The following SLC25A44 variants were observed in gnomAD, a reference collection of about 807,000 sequenced individuals.
The protein encoded by SLC25A44 is solute carrier family 25 member 44, also known as solute carrier family 25, member 44.
Under a neutral mutation model 29.9 loss-of-function variants are expected in SLC25A44, and 17 were observed. That is an observed-to-expected ratio of 0.57 (90% confidence interval 0.39 to 0.85). The LOEUF is 0.85. SLC25A44 is among the 40% of genes least tolerant of loss of function. The pLI is 0.00. For missense variants in SLC25A44, 302 were observed against 398.4 expected (o/e 0.76, Z 2.06); for synonymous variants, 140 against 151.8 (o/e 0.92, Z 0.57).
rs1165933388 is a variant in SLC25A44 at position 156,197,756 on chromosome 1, G to GA, written c.-13-2069dup. The GA allele has an allele frequency of 2.1e-3, 307 of 146,208 alleles. 1 individual carries two copies. The highest frequency in any genetic ancestry group is 5.5e-3 in the African/African-American group (220 of 39,912). 9.1% of individuals were successfully genotyped at this position (146,208 alleles called of 1,614,324 possible). On this transcript the variant is annotated intron_variant, in intron 1 of 3. Transcript: ENST00000359511. ...TGGGCGACAGAGCGAGACTCCGTCT[G>GA]AAAAAAAAAACAAAAAAACTGCTTT...
chr1:156,204,783 C>T (rs887797792), intron 2 of SLC25A44, among the ~76,000 whole-genome samples: 1 of 151,872 alleles, frequency 6.6e-6, no homozygotes, highest in African/African-American at 2.4e-5. Context: ...CCAGATGCTA[C>T]AGTTTAATGA....
In SLC25A44 at chr1:156,210,488, G is replaced by A; in HGVS notation, c.*57G>A. On this transcript the variant is annotated 3_prime_UTR_variant, in exon 4 of 4. Coordinates refer to ENST00000359511, the MANE Select transcript of SLC25A44 (RefSeq NM_014655.4). ...CACACTACCGTGGGTCAGGGGCAGA[G>A]TGGAGAGGACAGCACCCTCTCCAGG... The A allele has an allele frequency of 7.3e-7, 1 of 1,371,972 alleles. No homozygotes were observed. The highest frequency in any genetic ancestry group is 9.9e-7 in the Non-Finnish European group (1 of 1,011,770). The allele number at this position is 1,371,972 out of a possible 1,614,324, so 85.0% of individuals were successfully genotyped here. A position where few individuals can be genotyped will look rare whatever the true frequency, so the allele number is the denominator to read the frequency against.
At chr1:156,208,592 G>C (rs1032091588) in intron 3 of SLC25A44, among the ~76,000 whole-genome samples, 1 of 152,178 alleles carries the variant, frequency 6.6e-6, no homozygotes, top group African/African-American at 2.4e-5. Context: ...AAATCTTACT[G>C]GTTTCTTCCA....
At chr1:156,197,250 C>T (rs1170484155) in intron 1 of SLC25A44, 1 of 152,202 alleles carries the variant, frequency 6.6e-6, no homozygotes, top group Non-Finnish European at 1.5e-5. Context: ...CTTAGTGGGT[C>T]CCCCAGGCTG....
chr1:156,210,571 T>C lies in SLC25A44; in HGVS notation c.*140T>C, dbSNP rs1657235228. On this transcript the variant is annotated 3_prime_UTR_variant, in exon 4 of 4. Transcript: ENST00000359511. ...CCAAGTGGCCTATCTGGGATAGGGA[T>C]AGAGACTTTGAACTGCTCTTGCTGA... is the stretch of plus-strand genomic sequence containing the variant. The C allele has an allele frequency of 7.7e-6, 4 of 522,748 alleles. No individual in the cohort carries two copies. Among genetic ancestry groups the C allele is most frequent in the Non-Finnish European group, 1.3e-5 (4 of 301,238 alleles). 32.4% of individuals were successfully genotyped at this position (522,748 alleles called of 1,614,324 possible). A position where few individuals can be genotyped will look rare whatever the true frequency, so the allele number is the denominator to read the frequency against.
At chr1:156,194,418 G>A (rs1352372245) in intron 1 of SLC25A44, among the ~76,000 whole-genome samples, 171 bp downstream of exon 1, 1 of 152,246 alleles carries the variant, frequency 6.6e-6, no homozygotes, top group Non-Finnish European at 1.5e-5. Flanking sequence ...GAGATTCGCT[G>A]ACAGCGAAGA....
At chr1:156,210,022 G>C (rs113890564) in intron 3 of SLC25A44, among the ~76,000 whole-genome samples, 1 of 152,114 alleles carries the variant, frequency 6.6e-6, no homozygotes, top group African/African-American at 2.4e-5. Context: ...AATTACCCAA[G>C]GTTATGTTGT....
chr1:156,194,846 T>C (rs1037254404), intron 1 of SLC25A44, among the ~76,000 whole-genome samples: 2 of 151,984 alleles, frequency 1.3e-5, no homozygotes, highest in Non-Finnish European at 2.9e-5. Flanking sequence ...TTGTCAGGAG[T>C]TGTAGAAGAT....
chr1:156,207,992 T>C lies in SLC25A44; in HGVS notation c.732T>C (p.Asp244=), dbSNP rs1343794482. The C allele has an allele frequency of 6.2e-7, 1 of 1,614,182 alleles. No individual in the cohort carries two copies. Among genetic ancestry groups the C allele is most frequent in the Admixed American group, 1.7e-5 (1 of 60,016 alleles). ...ATASILTNPM[D]VIRTRVQVEG... ...CCTCCATCCTCACCAATCCCATGGA[T>C]GTCATACGAACCCGTGTGCAGGTAA... Residue 244 remains aspartate (D), a synonymous_variant, in exon 3 of 4, where the codon GAT becomes GAC. Transcript: ENST00000359511.
At chr1:156,202,316 G>A (rs762911728) in intron 2 of SLC25A44, among the ~76,000 whole-genome samples, 3 of 152,116 alleles carry the variant, frequency 2.0e-5, no homozygotes, top group Non-Finnish European at 4.4e-5. Context: ...CATCTCTAAT[G>A]GACTGACCTT....
intron 1 of SLC25A44, among the ~76,000 whole-genome samples, chr1:156,195,276 T>G (rs1021560964): frequency 5.3e-5 from 8 of 152,134 alleles, no homozygotes; most frequent in Non-Finnish European, 1.2e-4. Context: ...GCTAATTTTT[T>G]GTATTTTTAG....
chr1:156,199,612 T>TA (rs1361085956), intron 1 of SLC25A44: 1 of 537,928 alleles, frequency 1.9e-6, no homozygotes, highest in Non-Finnish European at 3.3e-6. Context: ...GGAAACTGAG[T>TA]AAGGAAGGCC....
At position 156,211,584 on chromosome 1, in the gene SLC25A44, C is replaced by G. The variant is rs1657324617; in HGVS notation, c.*1153C>G. The G allele has an allele frequency of 1.3e-5, 2 of 152,458 alleles. No individual in the cohort carries two copies. The highest frequency in any genetic ancestry group is 2.9e-5 in the Non-Finnish European group (2 of 68,038). 9.4% of individuals were successfully genotyped at this position (152,458 alleles called of 1,614,324 possible). Reference sequence around the variant, plus strand: ...CCACATCACTGGATGCGTAGTCATCCCAGTCATGGTACCCTGTGGAGGAAT... The same window carrying G: ...CCACATCACTGGATGCGTAGTCATCGCAGTCATGGTACCCTGTGGAGGAAT... On this transcript the variant is annotated 3_prime_UTR_variant, in exon 4 of 4. Coordinates refer to ENST00000359511, the MANE Select transcript of SLC25A44 (RefSeq NM_014655.4).
At chr1:156,208,476 T>A (rs115425145) in intron 3 of SLC25A44, among the ~76,000 whole-genome samples, 1,782 of 151,660 alleles carry the variant, frequency 0.012, 42 homozygotes, top group African/African-American at 0.04. Flanking sequence ...CAAAAAAAAA[T>A]AAATAAATAA....
chr1:156,194,272 C>T (rs994605788), intron 1 of SLC25A44, 25 bp downstream of exon 1: 1 of 152,766 alleles, frequency 6.5e-6, no homozygotes, highest in Non-Finnish European at 1.5e-5. Flanking sequence ...GCTTGAGGTC[C>T]CTGACAACTA....
rs766153476 is a variant in SLC25A44 at position 156,207,987 on chromosome 1, A to G, written c.727A>G (p.Met243Val). Reference sequence around the variant, plus strand: ...CACTGCCTCCATCCTCACCAATCCCATGGATGTCATACGAACCCGTGTGCA... The same window carrying G: ...CACTGCCTCCATCCTCACCAATCCCGTGGATGTCATACGAACCCGTGTGCA... Reference protein sequence around the residue: ...AATASILTNPMDVIRTRVQVE... With the variant: ...AATASILTNPVDVIRTRVQVE... Residue 243 changes from methionine to valine, a missense_variant, in exon 3 of 4, where the codon ATG (methionine) becomes GTG (valine). By Grantham distance (21) the Met-to-Val change is conservative. Transcript: ENST00000359511. The G allele has an allele frequency of 1.2e-6, 2 of 1,614,060 alleles. No individual in the cohort carries two copies. The highest frequency in any genetic ancestry group is 2.2e-5 in the South Asian group (2 of 91,082).
At position 156,199,830 on chromosome 1, in the gene SLC25A44, C is replaced by A; in HGVS notation, c.-13-5C>A. The A allele has an allele frequency of 6.2e-7, 1 of 1,606,298 alleles. No individual in the cohort carries two copies. The highest frequency in any genetic ancestry group is 8.5e-7 in the Non-Finnish European group (1 of 1,175,518). On this transcript the variant is annotated splice_region_variant and splice_polypyrimidine_tract_variant and intron_variant, in intron 1 of 3. Coordinates refer to ENST00000359511, the MANE Select transcript of SLC25A44 (RefSeq NM_014655.4). ...TCACATCCCTCCATACTGCTCAAAT[C>A]CCAGGTCTTCAGGCACCATGGAGGA... is the stretch of plus-strand genomic sequence containing the variant.
At chr1:156,210,014 T>C (rs1167639615) in intron 3 of SLC25A44, among the ~76,000 whole-genome samples, 1 of 152,102 alleles carries the variant, frequency 6.6e-6, no homozygotes, top group Non-Finnish European at 1.5e-5. Context: ...GTTAAGTAAA[T>C]TACCCAAGGT....
In SLC25A44 at chr1:156,212,783, T is replaced by A; in HGVS notation, c.*2352T>A. ...TCTCTGAAATGTAATTAAAAGTTTT[T>A]ATTGAGCCCCCGAGCTTTGGCTTGC... On this transcript the variant is annotated 3_prime_UTR_variant, in exon 4 of 4. Transcript: ENST00000359511. 1.7e-6 allele frequency: 1 copy of A among 601,632 alleles called. No homozygotes were observed. The highest frequency in any genetic ancestry group is 3.0e-5 in the East Asian group (1 of 33,490). 37.3% of individuals were successfully genotyped at this position (601,632 alleles called of 1,614,324 possible).
Sources: allele counts gnomAD v4.1 joint callset (sites outside exome capture counted in the v4.1 genomes callset), GRCh38; gene constraint gnomAD v4.1.1; transcripts MANE v1.5; gene names NCBI Gene and HGNC (gene_info 2026-07-23, HGNC 2026-07-21).